MACF1: variants seen among roughly 807,000 people sequenced by gnomAD.
MACF1 encodes microtubule-actin cross-linking factor 1.
In MACF1, 193 loss-of-function variants were observed where a neutral mutation model predicts 854.8. The observed-to-expected ratio is 0.23, with a 90% CI of 0.20 to 0.25. The LOEUF is 0.25. Ranked by LOEUF, MACF1 falls within the 10% of genes least tolerant of loss-of-function variation. The pLI is 1.00. For missense variants in MACF1, 7,722 were observed against 8,929.1 expected (o/e 0.86, Z 5.45); for synonymous variants, 3,185 against 3,226.7 (o/e 0.99, Z 0.44).
intron 80 of MACF1, among the ~76,000 whole-genome samples, chr1:39,446,716 G>A (rs371571858): frequency 6.6e-6 from 1 of 152,164 alleles, no homozygotes; most frequent in African/African-American, 2.4e-5. Flanking sequence ...ATTACCAAAA[G>A]GTTAGTGTAG....
Position 39,332,878 on chromosome 1 carries a change from T to A in MACF1, c.6290T>A (p.Val2097Glu). 1 of 1,614,046 alleles carries A rather than the reference T, an allele frequency of 6.2e-7. No homozygotes were observed. The highest frequency in any genetic ancestry group is 8.5e-7 in the Non-Finnish European group (1 of 1,179,998). ...AATCCAAACATTGATGCTTTGAAGG[T>A]AATAAATAAAGTCAAATTAGAGGTA... is the stretch of plus-strand genomic sequence containing the variant. ...ERNPNIDALK[V>E]INKVKLEVQR... is the part of the protein sequence containing the mutation. The change falls in exon 37 of 101, where the codon GTA becomes GAA. Residue 2097 changes from valine to glutamate, a missense_variant. Physicochemically the swap from Val to Glu is moderately radical, Grantham distance 121. This residue lies in a region of MACF1 where 1,531 missense variants were observed against 1,601.6 expected (regional missense o/e 0.96). Coordinates refer to ENST00000564288, the MANE Select transcript of MACF1 (RefSeq NM_001394062.1).
intron 2 of MACF1, among the ~76,000 whole-genome samples, chr1:39,184,209 G>A (rs1230690497): frequency 6.6e-6 from 1 of 152,118 alleles, no homozygotes; most frequent in Non-Finnish European, 1.5e-5. Flanking sequence ...GTTTGTATCT[G>A]GGTGAGATGG....
At chr1:39,342,623 A>G (rs1184164072) in intron 40 of MACF1, among the ~76,000 whole-genome samples, 1 of 145,418 alleles carries the variant, frequency 6.9e-6, no homozygotes, top group Non-Finnish European at 1.5e-5. Flanking sequence ...TGCAACCTCC[A>G]TTCTCCTGCC....
intron 6 of MACF1, among the ~76,000 whole-genome samples, chr1:39,278,257 G>A (rs2252538): frequency 0.06 from 9,194 of 152,274 alleles, 360 homozygotes; most frequent in African/African-American, 0.11. Flanking sequence ...TACAGAAAGA[G>A]ATTGATGAAA....
chr1:39,444,610 GT>G lies in MACF1; in HGVS notation c.19432-51del, dbSNP rs1644187120. The G allele has an allele frequency of 2.7e-6, 4 of 1,507,376 alleles. No homozygotes were observed. In the East Asian group the frequency reaches 6.8e-5, roughly 26 times the overall value. The allele number at this position is 1,507,376 out of a possible 1,614,324, so 93.4% of individuals were successfully genotyped here. ...ACTCTGCTACAGAATCTATATGTAG[GT>G]GTCTTCCAGAGAATTCGTAGAATTG... is the stretch of plus-strand genomic sequence containing the variant. On this transcript the variant is annotated intron_variant, in intron 79 of 100. Coordinates refer to ENST00000564288, the MANE Select transcript of MACF1 (RefSeq NM_001394062.1).
chr1:39,427,387 G>C, intron 61 of MACF1, 68 bp from the exon 62 acceptor site: 2 of 1,351,738 alleles, frequency 1.5e-6, no homozygotes, highest in Non-Finnish European at 2.1e-6. Flanking sequence ...CTTTTACTGA[G>C]TATAGTACTA....
rs772165663 is a variant in MACF1 at position 39,357,817 on chromosome 1, A to G, written c.11867A>G (p.Glu3956Gly). 2.9e-5 allele frequency: 47 copies of G among 1,614,062 alleles called. No homozygotes were observed. Among genetic ancestry groups the G allele is most frequent in the Non-Finnish European group, 4.0e-5 (47 of 1,180,024 alleles). ...DMENSFKEGKEPSEIGNLVKD... is the reference protein window; with the variant it reads ...DMENSFKEGKGPSEIGNLVKD... ...GAAAACAGTTTTAAGGAAGGCAAAGAACCATCAGAAATTGGAAACTTAGTA... is the reference window on the plus strand; with the variant it reads ...GAAAACAGTTTTAAGGAAGGCAAAGGACCATCAGAAATTGGAAACTTAGTA... The change falls in exon 45 of 101, where the codon GAA becomes GGA. Residue 3956 changes from glutamate to glycine, a missense_variant. Transcript: ENST00000564288.
rs931536172 is a variant in MACF1 at position 39,409,060 on chromosome 1, C to G, written c.15817-13314C>G. Reference sequence around the variant, plus strand: ...GCGGCGCGGGGAAGGGGGAGGAGAGCCGCCCGCCAGCCGAGCACTTCCAGC... The same window carrying G: ...GCGGCGCGGGGAAGGGGGAGGAGAGGCGCCCGCCAGCCGAGCACTTCCAGC... On this transcript the variant is annotated intron_variant, in intron 58 of 100. Transcript: ENST00000564288. This position sits in a 1 kb window ranked among gnomAD's most constrained non-coding sequence, Gnocchi z 4.2. Among the ~76,000 whole-genome samples, 25 of 151,550 alleles carry G rather than the reference C, an allele frequency of 1.6e-4. No homozygotes were observed. The highest frequency in any genetic ancestry group is 3.0e-4 in the Non-Finnish European group (20 of 67,776).
chr1:39,382,695 A>ATTT (rs35318749), intron 56 of MACF1, among the ~76,000 whole-genome samples: 166 of 150,932 alleles, frequency 1.1e-3, no homozygotes, highest in Non-Finnish European at 1.7e-3. Context: ...AAAAAAAAAA[A>ATTT]TTTTTTTTTA....
chr1:39,451,444 G>A (rs75733814), intron 85 of MACF1, among the ~76,000 whole-genome samples: 1 of 152,060 alleles, frequency 6.6e-6, no homozygotes, highest in African/African-American at 2.4e-5. Flanking sequence ...TCAAGGTTGC[G>A]CCTCTTCCTG....
Position 39,480,923 on chromosome 1 carries a change from T to C in MACF1, c.22174T>C (p.Ser7392Pro), listed in dbSNP as rs1557677132. ...CCTTTGGATTTCCGTTTCACAGACT[T>C]CACTTCAGTTCTCTCGCTGTTATGA... ...PATPASGTKT[S>P]LQFSRCYDKP... The change falls in exon 99 of 101, where the codon TCA becomes CCA. Residue 7392 changes from serine (S) to proline (P), a missense_variant. Physicochemically the swap from Ser to Pro is moderately conservative, Grantham distance 74 (BLOSUM62 -1). Around this residue, in one of 15 missense-constraint regions of MACF1, gnomAD observed 185 missense variants for 225.7 expected, o/e 0.82. Transcript: ENST00000564288. 3.9e-6 allele frequency: 6 copies of C among 1,535,982 alleles called. No homozygotes were observed. The highest frequency in any genetic ancestry group is 1.4e-5 in the African/African-American group (1 of 72,868).
chr1:39,337,461 C>G, intron 38 of MACF1, 130 bp downstream of exon 38: 1 of 819,898 alleles, frequency 1.2e-6, no homozygotes, highest in Non-Finnish European at 1.8e-6. Context: ...AGACCCTTGT[C>G]AGATAATTAT....
chr1:39,126,647 CGTG>C (rs1259546301), intron 2 of MACF1, among the ~76,000 whole-genome samples: 1 of 151,896 alleles, frequency 6.6e-6, no homozygotes, highest in Non-Finnish European at 1.5e-5. Context: ...ATTAGCTGGG[CGTG>C]GTGGTGGGTG....
At position 39,383,774 on chromosome 1, in the gene MACF1, G is replaced by T. The variant is rs537756238; in HGVS notation, c.13848+1622G>T. On this transcript the variant is annotated intron_variant, in intron 56 of 100. Transcript: ENST00000564288. ...TGCCTGTAGTCCCAGCTGCTCGGGA[G>T]GCTGAGGCAGGAGAATGGCATGAAC... 3.3e-5 allele frequency among the ~76,000 whole-genome samples: 5 copies of T among 152,190 alleles called. No individual in the cohort carries two copies. The East Asian group carries it at 9.7e-4, about 29-fold the overall frequency.
intron 2 of MACF1, among the ~76,000 whole-genome samples, chr1:39,131,847 G>A (rs1333344591): frequency 6.6e-6 from 1 of 152,164 alleles, no homozygotes; most frequent in Non-Finnish European, 1.5e-5. Flanking sequence ...GGGTCTTGCA[G>A]TGTTGCCTAG....
At chr1:39,094,718 CA>C (rs78652109) in intron 2 of MACF1, among the ~76,000 whole-genome samples, 180 of 137,588 alleles carry the variant, frequency 1.3e-3, no homozygotes, top group Admixed American at 1.1e-3. Context: ...AACTCTGTCT[CA>C]AAAAAAAAAA....
At chr1:39,390,923 C>T (rs1046596034) in intron 58 of MACF1, among the ~76,000 whole-genome samples, 9 of 151,854 alleles carry the variant, frequency 5.9e-5, no homozygotes, top group East Asian at 3.9e-4. Context: ...CTGGCTAACA[C>T]GGTGAAACCC....
At chr1:39,471,696 G>A (rs1442931924) in intron 97 of MACF1, among the ~76,000 whole-genome samples, 1 of 151,962 alleles carries the variant, frequency 6.6e-6, no homozygotes, top group South Asian at 2.1e-4. Flanking sequence ...CTAAATAATG[G>A]GTATACTTGT....
At chr1:39,109,419 G>A (rs1642335600) in intron 2 of MACF1, among the ~76,000 whole-genome samples, 1 of 151,988 alleles carries the variant, frequency 6.6e-6, no homozygotes, top group Non-Finnish European at 1.5e-5. Context: ...ACAGGTGCAC[G>A]CCACCATGCC....
Sources: gnomAD v4.1 joint callset for allele counts (sites outside exome capture counted in the v4.1 genomes callset) on GRCh38, gnomAD v4.1.1 for gene constraint, gnomAD v4.1.1 regional missense constraint, Gnocchi (gnomAD v3.1) non-coding constraint, MANE v1.5 for transcripts, NCBI Gene and HGNC (gene_info 2026-07-23, HGNC 2026-07-21) for gene names.